The following CPPED1 variants were observed in gnomAD, a reference collection of about 807,000 sequenced individuals.
CPPED1 encodes calcineurin like phosphoesterase domain containing 1, also known as serine/threonine-protein phosphatase CPPED1.
CPPED1 carries 28 observed loss-of-function variants against 28.0 expected under a neutral mutation model. The observed-to-expected ratio is 1.00, with a 90% confidence interval of 0.74 to 1.37. The LOEUF (loss-of-function observed/expected upper bound fraction) is 1.37, where lower values mean the gene tolerates loss of function less well. Ranked by LOEUF, CPPED1 falls within the 40% of genes most tolerant of loss-of-function variation. CPPED1 has a pLI of 0.00. For synonymous variants in CPPED1, 198 were observed against 180.2 expected (o/e 1.10, Z -0.79); for missense variants, 504 against 416.5 (o/e 1.21, Z -1.83).
At position 12,714,047 on chromosome 16, in the gene CPPED1, T is replaced by C. The variant is rs937942124; in HGVS notation, c.290-8998A>G. ...GAATCATATAAAATGTAGGCTTTTG[T>C]TACTGATCTTTCACTTTGCATGATG... On this transcript the variant is annotated intron_variant, in intron 2 of 3. Transcript: ENST00000381774. Among the ~76,000 whole-genome samples, 4 of 152,344 alleles carry C rather than the reference T, an allele frequency of 2.6e-5. No individual in the cohort carries two copies. In the South Asian group the frequency reaches 8.3e-4, roughly 32 times the overall value.
rs1028832162 is a variant in CPPED1, at chr16:12,700,103, G to A, written c.715+4521C>T. ...CCTAAGATTTGTTCTGTGTTTGGAA[G>A]GTCATTCAGCAAAAGGCCTGGTTTG... On this transcript the variant is annotated intron_variant, in intron 3 of 3. Coordinates refer to ENST00000381774, the MANE Select transcript of CPPED1 (RefSeq NM_018340.3). Among the ~76,000 whole-genome samples, 3 of 152,184 alleles carry A rather than the reference G, an allele frequency of 2.0e-5. No individual in the cohort carries two copies. In the East Asian group the frequency reaches 5.8e-4, roughly 29 times the overall value.
chr16:12,723,814 C>T (rs188026525), intron 2 of CPPED1, among the ~76,000 whole-genome samples: 8 of 152,198 alleles, frequency 5.3e-5, no homozygotes, highest in East Asian at 1.9e-4. Flanking sequence ...TGGGATAGGA[C>T]GTGGGTTTGT....
intron 3 of CPPED1, among the ~76,000 whole-genome samples, chr16:12,691,349 C>T (rs1437245888): frequency 3.9e-5 from 6 of 152,172 alleles, no homozygotes; most frequent in Admixed American, 3.3e-4. Context: ...AATCTTGGCT[C>T]ACTGCAACCT....
At chr16:12,729,003 C>G (rs546822440) in intron 2 of CPPED1, among the ~76,000 whole-genome samples, 25 of 152,290 alleles carry the variant, frequency 1.6e-4, no homozygotes, top group African/African-American at 5.8e-4. Flanking sequence ...TATACTTGTT[C>G]TCTGCTGGTG....
chr16:12,686,648 G>A (rs1251532298), intron 3 of CPPED1, among the ~76,000 whole-genome samples: 1 of 152,178 alleles, frequency 6.6e-6, no homozygotes, highest in Non-Finnish European at 1.5e-5. Flanking sequence ...GGAGGATGCT[G>A]GGATGGGAAA....
rs1160759683 is a variant in CPPED1 at position 12,667,816 on chromosome 16, T to C, written c.716-2701A>G. Among the ~76,000 whole-genome samples the C allele has an allele frequency of 2.6e-5, 4 of 152,060 alleles. No individual in the cohort carries two copies. The East Asian group carries it at 5.8e-4, about 22-fold the overall frequency. ...TGGTGGAGGAGAAAGGAGAAAATAA[T>C]AGTGAGAAGAATTTGAAGAAATAAC... On this transcript the variant is annotated intron_variant, in intron 3 of 3. Transcript: ENST00000381774.
At chr16:12,698,982 T>C (rs771391081) in intron 3 of CPPED1, among the ~76,000 whole-genome samples, 3 of 152,154 alleles carry the variant, frequency 2.0e-5, no homozygotes, top group Non-Finnish European at 2.9e-5. Context: ...AAGGGAAACA[T>C]GGTCAGTTAA....
At chr16:12,756,473 C>T (rs983790952) in intron 2 of CPPED1, among the ~76,000 whole-genome samples, 8 of 152,042 alleles carry the variant, frequency 5.3e-5, no homozygotes, top group Admixed American at 2.0e-4. Context: ...GGAGGGAGGA[C>T]CACTTGAGGT....
chr16:12,720,650 G>A (rs564467816), intron 2 of CPPED1, among the ~76,000 whole-genome samples: 1 of 152,210 alleles, frequency 6.6e-6, no homozygotes, highest in East Asian at 1.9e-4. Flanking sequence ...ACCACACTTG[G>A]CTAATTTTTG....
chr16:12,768,311 T>A (rs1254759346), intron 2 of CPPED1, among the ~76,000 whole-genome samples: 1 of 152,244 alleles, frequency 6.6e-6, no homozygotes, highest in Non-Finnish European at 1.5e-5. Context: ...CGAGGCTCTC[T>A]GTTTTCACTT....
At chr16:12,797,649 G>T (rs1194604889) in intron 1 of CPPED1, among the ~76,000 whole-genome samples, 1 of 152,150 alleles carries the variant, frequency 6.6e-6, no homozygotes, top group African/African-American at 2.4e-5. Context: ...GGCCACAACG[G>T]AAGAACTGTC....
chr16:12,802,701 G>A (rs1270752613), intron 1 of CPPED1, among the ~76,000 whole-genome samples: 1 of 152,206 alleles, frequency 6.6e-6, no homozygotes, highest in Non-Finnish European at 1.5e-5. Context: ...TTTAAAATGA[G>A]GTGTGACGGT....
At chr16:12,727,615 T>C (rs2080176779) in intron 2 of CPPED1, among the ~76,000 whole-genome samples, 1 of 152,148 alleles carries the variant, frequency 6.6e-6, no homozygotes, top group Admixed American at 6.5e-5. Flanking sequence ...TCCCAAAGTG[T>C]AGGGATTACA....
intron 3 of CPPED1, among the ~76,000 whole-genome samples, chr16:12,681,492 C>G (rs1249373808): frequency 6.6e-6 from 1 of 152,148 alleles, no homozygotes; most frequent in Non-Finnish European, 1.5e-5. Flanking sequence ...TATAGCAGCA[C>G]AAAACGAACT....
chr16:12,734,800 G>T (rs1422342042), intron 2 of CPPED1, among the ~76,000 whole-genome samples: 1 of 152,166 alleles, frequency 6.6e-6, no homozygotes, highest in East Asian at 1.9e-4. Context: ...CTCCCCACAG[G>T]AACACAGGAC....
intron 2 of CPPED1, among the ~76,000 whole-genome samples, chr16:12,770,409 C>T (rs969350004): frequency 1.3e-4 from 20 of 152,176 alleles, no homozygotes; most frequent in Non-Finnish European, 2.2e-4. Context: ...ATCCACAGAA[C>T]GCAATGCAGT....
chr16:12,747,259 A>T (rs2080295573), intron 2 of CPPED1, among the ~76,000 whole-genome samples: 1 of 151,572 alleles, frequency 6.6e-6, no homozygotes, highest in South Asian at 2.1e-4. Context: ...GCAAAATCCC[A>T]CCTCTCTATA....
At chr16:12,799,892 C>G (rs1253176470) in intron 1 of CPPED1, among the ~76,000 whole-genome samples, 1 of 152,208 alleles carries the variant, frequency 6.6e-6, no homozygotes, top group Admixed American at 6.5e-5. Flanking sequence ...TCTAGATTTA[C>G]TCGGGGCTAA....
At chr16:12,769,057 G>A (rs2080455522) in intron 2 of CPPED1, among the ~76,000 whole-genome samples, 1 of 151,830 alleles carries the variant, frequency 6.6e-6, no homozygotes, top group Non-Finnish European at 1.5e-5. Context: ...TAGAGACGGG[G>A]TTTTACCATG....
Sources: gnomAD v4.1 joint callset for allele counts (sites outside exome capture counted in the v4.1 genomes callset) on GRCh38, gnomAD v4.1.1 for gene constraint, MANE v1.5 for transcripts, NCBI Gene and HGNC (gene_info 2026-07-23, HGNC 2026-07-21) for gene names.